PDE11A: variants seen among roughly 807,000 people sequenced by gnomAD.
PDE11A encodes phosphodiesterase 11A.
In PDE11A, 100 loss-of-function variants were observed where a neutral mutation model predicts 100.5. The observed-to-expected ratio is 1.00, with a 90% CI of 0.85 to 1.18. PDE11A has a LOEUF of 1.18. Among genes scored for constraint, PDE11A ranks in the 50% most tolerant of loss-of-function variants. PDE11A has a pLI of 0.00. For missense variants in PDE11A, 1,141 were observed against 1,152.6 expected (o/e 0.99, Z 0.15); for synonymous variants, 381 against 420.8 (o/e 0.91, Z 1.16).
At chr2:177,659,949 C>T (rs1360954173) in intron 19 of PDE11A, among the ~76,000 whole-genome samples, 1 of 152,188 alleles carries the variant, frequency 6.6e-6, no homozygotes, top group East Asian at 1.9e-4. Flanking sequence ...GGGGAATGTG[C>T]TTTGATGGTT....
At chr2:178,071,502 G>A in intron 1 of PDE11A, 24 bp downstream of exon 1, 1 of 1,613,190 alleles carries the variant, frequency 6.2e-7, no homozygotes, top group Non-Finnish European at 8.5e-7. Context: ...GGCTCTGGGA[G>A]AAGGGGACAA....
intron 16 of PDE11A, among the ~76,000 whole-genome samples, chr2:177,677,208 ATAATTC>A (rs1235683190): frequency 6.6e-6 from 1 of 152,220 alleles, no homozygotes; most frequent in African/African-American, 2.4e-5. Context: ...TCCTCAGATG[ATAATTC>A]TAATAGCTAC....
At chr2:177,782,040 G>T (rs1270836639) in intron 9 of PDE11A, among the ~76,000 whole-genome samples, 1 of 152,162 alleles carries the variant, frequency 6.6e-6, no homozygotes, top group Non-Finnish European at 1.5e-5. Flanking sequence ...ATTTTTAAAT[G>T]CAAGCCATTA....
intron 9 of PDE11A, among the ~76,000 whole-genome samples, chr2:177,786,970 C>T (rs36180727): frequency 0.52 from 73,591 of 140,464 alleles, 20,229 homozygotes; most frequent in African/African-American, 0.65. Context: ...CTCTGCAGGA[C>T]ATTATCCAGG....
intron 1 of PDE11A, among the ~76,000 whole-genome samples, chr2:178,106,202 G>C (rs1010020421): frequency 6.6e-6 from 1 of 152,108 alleles, no homozygotes. Context: ...CTTAGTTACT[G>C]CTCCAAGAAA....
intron 13 of PDE11A, among the ~76,000 whole-genome samples, chr2:177,711,194 G>GCAAATAGTTGCCCAGACATCC (rs1430371889): frequency 1.5e-4 from 23 of 152,342 alleles, no homozygotes; most frequent in African/African-American, 5.5e-4. Flanking sequence ...CATGTGTGTG[G>GCAAATAGTTGCCCAGACATCC]CAAATAGTTG....
intron 19 of PDE11A, among the ~76,000 whole-genome samples, chr2:177,642,582 AT>A (rs1274037958): frequency 6.6e-6 from 1 of 152,156 alleles, no homozygotes; most frequent in Non-Finnish European, 1.5e-5. Context: ...ACACGTTTTA[AT>A]TTACCTTGAG....
At chr2:177,647,865 C>T (rs2080247665) in intron 19 of PDE11A, among the ~76,000 whole-genome samples, 2 of 152,136 alleles carry the variant, frequency 1.3e-5, no homozygotes, top group Admixed American at 6.5e-5. Context: ...CATGCCTGAT[C>T]TTTGGGGGGC....
intron 5 of PDE11A, among the ~76,000 whole-genome samples, chr2:177,848,026 C>T (rs562610606): frequency 2.0e-5 from 3 of 151,960 alleles, no homozygotes; most frequent in Non-Finnish European, 4.4e-5. Flanking sequence ...AACACATTAA[C>T]TGTACACTGG....
chr2:177,673,727 T>G (rs1274087474), intron 17 of PDE11A, among the ~76,000 whole-genome samples: 2 of 152,124 alleles, frequency 1.3e-5, no homozygotes, highest in African/African-American at 2.4e-5. Flanking sequence ...ACATTTTTGG[T>G]GATGAGAAGG....
chr2:177,630,335 C>G (rs2079899628), intron 19 of PDE11A, among the ~76,000 whole-genome samples: 1 of 152,140 alleles, frequency 6.6e-6, no homozygotes, highest in South Asian at 2.1e-4. Flanking sequence ...TCCTCCTGTT[C>G]CCAAATGGTA....
intron 2 of PDE11A, chr2:178,104,289 T>C: frequency 6.2e-7 from 1 of 1,611,192 alleles, no homozygotes; most frequent in Non-Finnish European, 8.5e-7. Context: ...CTCCCACAAC[T>C]GCTAGTTTTT....
At chr2:177,936,643 A>G (rs13386657) in intron 2 of PDE11A, among the ~76,000 whole-genome samples, 13,162 of 152,282 alleles carry the variant, frequency 0.086, 540 homozygotes, top group South Asian at 0.1. Context: ...GAATATGGCC[A>G]GGTGCAGTGG....
chr2:177,822,887 T>C (rs2083162022), intron 6 of PDE11A, among the ~76,000 whole-genome samples: 2 of 152,114 alleles, frequency 1.3e-5, no homozygotes, highest in African/African-American at 4.8e-5. Context: ...TTGTAATTGG[T>C]ACATAAAAAT....
At chr2:178,085,959 T>A (rs940114157) in intron 2 of PDE11A, among the ~76,000 whole-genome samples, 8 of 152,194 alleles carry the variant, frequency 5.3e-5, no homozygotes, top group African/African-American at 1.9e-4. Flanking sequence ...TATCCTAGGT[T>A]TTTAAAAGAC....
At chr2:178,102,563 C>G (rs1452359379) in intron 2 of PDE11A, among the ~76,000 whole-genome samples, 1 of 150,634 alleles carries the variant, frequency 6.6e-6, no homozygotes. Flanking sequence ...CATAAGCCAC[C>G]ATGCCCAGCC....
At chr2:177,700,491 A>G (rs1054623117) in intron 14 of PDE11A, among the ~76,000 whole-genome samples, 1 of 151,760 alleles carries the variant, frequency 6.6e-6, no homozygotes, top group Non-Finnish European at 1.5e-5. Context: ...AGCCAGACTC[A>G]GTTAGTGGTT....
At chr2:177,714,079 C>G in intron 12 of PDE11A, among the ~76,000 whole-genome samples, 1 of 145,806 alleles carries the variant, frequency 6.9e-6, no homozygotes, top group Non-Finnish European at 1.5e-5. Context: ...CTGCAAGCTC[C>G]GCTTCCCAGG....
intron 1 of PDE11A, among the ~76,000 whole-genome samples, chr2:178,045,612 G>T (rs1396349180): frequency 6.6e-6 from 1 of 152,232 alleles, no homozygotes; most frequent in East Asian, 1.9e-4. Context: ...TGACCTTGGG[G>T]AAATTAAGAA....
Sources: allele counts gnomAD v4.1 joint callset (sites outside exome capture counted in the v4.1 genomes callset), GRCh38; gene constraint gnomAD v4.1.1; transcripts MANE v1.5; gene names NCBI Gene and HGNC (gene_info 2026-07-23, HGNC 2026-07-21).